GNAL: variants seen among roughly 807,000 people sequenced by gnomAD.
GNAL encodes the protein G protein subunit alpha L.
A neutral mutation model predicts 55.1 loss-of-function variants in GNAL; 18 were observed. That is an observed-to-expected ratio of 0.33 (90% CI 0.23 to 0.48). GNAL has a LOEUF of 0.48. GNAL is among the 20% of genes least tolerant of loss of function. The probability of loss-of-function intolerance (pLI) is 0.99; values close to 1 mark genes in which losing one functional copy is unlikely to be tolerated. For missense variants in GNAL, 412 were observed against 614.1 expected (o/e 0.67, Z 3.48); for synonymous variants, 253 against 237.0 (o/e 1.07, Z -0.62).
intron 1 of GNAL, among the ~76,000 whole-genome samples, chr18:11,741,596 G>A (rs2032576580): frequency 6.6e-6 from 1 of 152,184 alleles, no homozygotes; most frequent in South Asian, 2.1e-4. Flanking sequence ...GTCAAGGCAT[G>A]GAAGTGTGCT....
At chr18:11,698,874 A>G (rs557995914) in intron 1 of GNAL, among the ~76,000 whole-genome samples, 1 of 152,312 alleles carries the variant, frequency 6.6e-6, no homozygotes, top group Admixed American at 6.5e-5. Context: ...ACAGTGTCAG[A>G]CTAATGTGTC....
intron 4 of GNAL, among the ~76,000 whole-genome samples, chr18:11,785,189 C>G (rs897695674): frequency 6.6e-6 from 1 of 152,020 alleles, no homozygotes; most frequent in African/African-American, 2.4e-5. Flanking sequence ...GATTTCATCC[C>G]AGTGGAATTT....
chr18:11,789,754 A>G (rs1052300381), intron 4 of GNAL, among the ~76,000 whole-genome samples: 2 of 152,234 alleles, frequency 1.3e-5, no homozygotes, highest in Non-Finnish European at 1.5e-5. Flanking sequence ...AGAGTCTTAC[A>G]TGCCATTGAT....
Position 11,884,940 on chromosome 18 carries a change from G to C in GNAL, c.*3805G>C. ...CAAATATAGTGGGGGATCCATAACA[G>C]AGATTCAGAGAGGCACCGTGGAGTT... On this transcript the variant is annotated 3_prime_UTR_variant, in exon 12 of 12. Coordinates refer to ENST00000334049, the MANE Select transcript of GNAL (RefSeq NM_182978.4). The C allele has an allele frequency of 2.3e-6, 3 of 1,287,852 alleles. No individual in the cohort carries two copies. Among genetic ancestry groups the C allele is most frequent in the Non-Finnish European group, 3.0e-6 (3 of 998,182 alleles). 79.8% of individuals were successfully genotyped at this position (1,287,852 alleles called of 1,614,324 possible).
chr18:11,804,626 G>A (rs12962192), intron 4 of GNAL, among the ~76,000 whole-genome samples: 11 of 36,022 alleles, frequency 3.1e-4, no homozygotes, highest in African/African-American at 5.3e-4. Flanking sequence ...GTACAGGTGC[G>A]GTTTGGATGG....
intron 1 of GNAL, among the ~76,000 whole-genome samples, chr18:11,715,516 G>A (rs915011451): frequency 6.6e-6 from 1 of 151,984 alleles, no homozygotes; most frequent in Admixed American, 6.6e-5. Context: ...TGCTAAGCGG[G>A]TTGCAAGTTT....
At chr18:11,713,413 T>A (rs542421773) in intron 1 of GNAL, among the ~76,000 whole-genome samples, 1 of 152,242 alleles carries the variant, frequency 6.6e-6, no homozygotes, top group Non-Finnish European at 1.5e-5. Flanking sequence ...GTTTCTCCAG[T>A]TGGTCCTAAG....
chr18:11,781,603 A>T (rs2033925935), intron 4 of GNAL, among the ~76,000 whole-genome samples: 1 of 152,234 alleles, frequency 6.6e-6, no homozygotes, highest in South Asian at 2.1e-4. Flanking sequence ...CATTTTATAT[A>T]AGGAACAAAT....
intron 1 of GNAL, among the ~76,000 whole-genome samples, chr18:11,734,473 A>G (rs1598418570): frequency 6.6e-6 from 1 of 152,020 alleles, no homozygotes; most frequent in African/African-American, 2.4e-5. Flanking sequence ...ATCAAATCAC[A>G]TAGAATGGAT....
chr18:11,721,415 ACTTATTCAAGTTCACTGAATTAATGTTTC>A (rs1223582312), intron 1 of GNAL, among the ~76,000 whole-genome samples: 1 of 152,084 alleles, frequency 6.6e-6, no homozygotes, highest in Non-Finnish European at 1.5e-5. Context: ...AGTGGATTCC[ACTTATTCAAGTTCACTGAATTAATGTTTC>A]CTTAATGCCT....
chr18:11,802,949 G>A (rs1183792485), intron 4 of GNAL, among the ~76,000 whole-genome samples: 4 of 152,168 alleles, frequency 2.6e-5, no homozygotes, highest in Non-Finnish European at 5.9e-5. Context: ...CAGGCTGGGT[G>A]GGGAGGGGAA....
intron 1 of GNAL, among the ~76,000 whole-genome samples, chr18:11,734,178 T>C (rs1276051683): frequency 1.3e-5 from 2 of 148,758 alleles, no homozygotes; most frequent in Non-Finnish European, 1.5e-5. Flanking sequence ...ACAGCCTCGC[T>C]CTGTCACCAG....
intron 5 of GNAL, among the ~76,000 whole-genome samples, chr18:11,846,913 A>C (rs1017266731): frequency 1.3e-5 from 2 of 152,026 alleles, no homozygotes; most frequent in Admixed American, 6.6e-5. Flanking sequence ...AGGCTTGAGG[A>C]GTCTCAGCGT....
rs140681297 is a variant in GNAL, at chr18:11,793,890, G to A, written c.625-31028G>A. ...GCACGCCACTGCACTCCAGCCTGGC[G>A]ACAGTGAGACTCCATCTCGGGAAAA... On this transcript the variant is annotated intron_variant, in intron 4 of 11. Transcript: ENST00000334049. Among the ~76,000 whole-genome samples the A allele has an allele frequency of 7.7e-4, 112 of 145,828 alleles. 2 individuals carry two copies. In the East Asian group the frequency reaches 0.014, roughly 19 times the overall value.
chr18:11,762,893 C>G (rs2033289001), intron 4 of GNAL, among the ~76,000 whole-genome samples: 1 of 152,194 alleles, frequency 6.6e-6, no homozygotes, highest in African/African-American at 2.4e-5. Flanking sequence ...CCAGGTCTCA[C>G]ATGGCTTATG....
chr18:11,871,870 C>T (rs536738370), intron 9 of GNAL, among the ~76,000 whole-genome samples: 6 of 152,316 alleles, frequency 3.9e-5, no homozygotes, highest in Middle Eastern at 3.4e-3. Context: ...ATCCCTTATC[C>T]GAAATGCTTG....
In GNAL at chr18:11,876,491, G is replaced by A; in HGVS notation, c.1163-130G>A. ...AAAAAAAAAGTACATGTTTGTTTTT[G>A]CCTTGCTGTACATGTATTTTAATGC... On this transcript the variant is annotated intron_variant, in intron 10 of 11. Coordinates refer to ENST00000334049, the MANE Select transcript of GNAL (RefSeq NM_182978.4). The A allele has an allele frequency of 3.0e-6, 2 of 669,146 alleles. 1 individual carries two copies. The highest frequency in any genetic ancestry group is 3.5e-5 in the South Asian group (2 of 57,620). The allele number at this position is 669,146 out of a possible 1,614,324, so 41.5% of individuals were successfully genotyped here.
rs189940222 is a variant in GNAL, at chr18:11,867,080, C to T, written c.852-88C>T. On this transcript the variant is annotated intron_variant, in intron 7 of 11. Transcript: ENST00000334049. Reference sequence around the variant, plus strand: ...CAAGACCCATGTGTGAACGCTGGAACCTGCTGATAGCAAAAGAGGAAAGCA... The same window carrying T: ...CAAGACCCATGTGTGAACGCTGGAATCTGCTGATAGCAAAAGAGGAAAGCA... 6.1e-5 allele frequency: 61 copies of T among 1,002,548 alleles called. No homozygotes were observed. The East Asian group carries it at 1.3e-3, about 21-fold the overall frequency. The allele number at this position is 1,002,548 out of a possible 1,614,324, so 62.1% of individuals were successfully genotyped here.
At chr18:11,709,069 C>T (rs2031778503) in intron 1 of GNAL, among the ~76,000 whole-genome samples, 1 of 152,068 alleles carries the variant, frequency 6.6e-6, no homozygotes, top group African/African-American at 2.4e-5. Context: ...CTATCCTTTC[C>T]CCATTTTATA....
Sources: gnomAD v4.1 joint callset for allele counts (sites outside exome capture counted in the v4.1 genomes callset) on GRCh38, gnomAD v4.1.1 for gene constraint, MANE v1.5 for transcripts, NCBI Gene and HGNC (gene_info 2026-07-23, HGNC 2026-07-21) for gene names.